Variants in WRN observed in about 807,000 individuals in gnomAD.
WRN encodes bifunctional 3'-5' exonuclease/ATP-dependent helicase WRN.
WRN carries 149 observed loss-of-function variants against 180.7 expected under a neutral mutation model. The observed-to-expected ratio is 0.82, with a 90% CI of 0.72 to 0.94. The LOEUF (loss-of-function observed/expected upper bound fraction) is 0.94. Among genes scored for constraint, WRN ranks in the 40% least tolerant of loss-of-function variants. The pLI is 0.00. For synonymous variants in WRN, 548 were observed against 568.9 expected, an observed-to-expected ratio of 0.96 and a Z score of 0.52; for missense variants, 1,661 against 1,700.1, an observed-to-expected ratio of 0.98 and a Z score of 0.40.
intron 3 of WRN, among the ~76,000 whole-genome samples, chr8:31,061,311 C>T (rs1367694786): frequency 1.3e-5 from 2 of 151,884 alleles, no homozygotes; most frequent in East Asian, 3.9e-4. Flanking sequence ...TTTTGTTTAT[C>T]TCTAGAAGTC....
At chr8:31,078,348 A>G (rs1466577514) in intron 8 of WRN, among the ~76,000 whole-genome samples, 1 of 152,164 alleles carries the variant, frequency 6.6e-6, no homozygotes, top group African/African-American at 2.4e-5. Flanking sequence ...CCAGGAGGGA[A>G]CAAAAAAGAC....
intron 20 of WRN, chr8:31,119,822 A>G (rs566001479): frequency 5.8e-6 from 1 of 172,426 alleles, no homozygotes; most frequent in South Asian, 1.4e-4. Flanking sequence ...TGCAGAGATA[A>G]TGCATTATGT....
chr8:31,066,927 G>C (rs1016545658), intron 5 of WRN, 106 bp from the exon 6 acceptor site: 7 of 1,380,696 alleles, frequency 5.1e-6, no homozygotes, highest in Non-Finnish European at 7.1e-6. Flanking sequence ...GTTGTATTTT[G>C]GTATAACATT....
chr8:31,143,302 A>G (rs1379876967), intron 27 of WRN, among the ~76,000 whole-genome samples: 1 of 152,158 alleles, frequency 6.6e-6, no homozygotes, highest in African/African-American at 2.4e-5. Context: ...CACTTGCTGT[A>G]TCTTAGAACA....
At chr8:31,126,374 A>G (rs911650398) in intron 23 of WRN, among the ~76,000 whole-genome samples, 2 of 152,354 alleles carry the variant, frequency 1.3e-5, no homozygotes, top group East Asian at 3.9e-4. Context: ...TAGAAATTAA[A>G]TAACACACTT....
chr8:31,093,464 A>G (rs1001313184), intron 16 of WRN, among the ~76,000 whole-genome samples: 1 of 152,176 alleles, frequency 6.6e-6, no homozygotes, highest in Non-Finnish European at 1.5e-5. Context: ...CATTGAATAT[A>G]GCACAGTTTG....
In WRN at chr8:31,157,672, G is replaced by A. The variant is rs921356938; in HGVS notation, c.3982+142G>A. Reference sequence around the variant, plus strand: ...TTTGTGATTCTTTTTCTTGTTTTAGGAAAACAATCTTTCTTCCCATTATCA... The same window carrying A: ...TTTGTGATTCTTTTTCTTGTTTTAGAAAAACAATCTTTCTTCCCATTATCA... On this transcript the variant is annotated intron_variant, in intron 33 of 34. Transcript: ENST00000298139. 3.0e-4 allele frequency: 388 copies of A among 1,285,518 alleles called. 1 individual carries two copies. The highest frequency in any genetic ancestry group is 3.9e-4 in the Non-Finnish European group (364 of 924,022). 79.6% of individuals were successfully genotyped at this position (1,285,518 alleles called of 1,614,324 possible). A position where few individuals can be genotyped will look rare whatever the true frequency, so the allele number is the denominator to read the frequency against.
chr8:31,116,764 G>A (rs1801538692), intron 20 of WRN, among the ~76,000 whole-genome samples: 2 of 152,104 alleles, frequency 1.3e-5, no homozygotes, highest in Non-Finnish European at 2.9e-5. Flanking sequence ...TAATGGGGGT[G>A]GTCCATCCAG....
chr8:31,157,789 G>A (rs1803448077), intron 33 of WRN, among the ~76,000 whole-genome samples: 1 of 152,044 alleles, frequency 6.6e-6, no homozygotes, highest in Admixed American at 6.6e-5. Flanking sequence ...GTGCAGTGGC[G>A]TGATCTTGGC....
intron 1 of WRN, among the ~76,000 whole-genome samples, chr8:31,039,795 A>G (rs867656287): frequency 1.2e-4 from 19 of 152,130 alleles, no homozygotes; most frequent in South Asian, 4.1e-4. Flanking sequence ...TTCTGTGTCA[A>G]TTGAAATGAT....
At chr8:31,064,749 A>G (rs1812626430) in intron 4 of WRN, among the ~76,000 whole-genome samples, 166 bp from the exon 5 acceptor site, 2 of 152,232 alleles carry the variant, frequency 1.3e-5, no homozygotes, top group Non-Finnish European at 2.9e-5. Flanking sequence ...TCATTTATCA[A>G]TCAGGACTGT....
intron 1 of WRN, among the ~76,000 whole-genome samples, chr8:31,047,607 A>G (rs1054471415): frequency 1.3e-5 from 2 of 152,158 alleles, no homozygotes; most frequent in Non-Finnish European, 2.9e-5. Context: ...TCTAGGGTGG[A>G]ACGGATGCTA....
intron 1 of WRN, among the ~76,000 whole-genome samples, chr8:31,053,060 G>A (rs940692368): frequency 6.6e-6 from 1 of 152,096 alleles, no homozygotes; most frequent in African/African-American, 2.4e-5. Flanking sequence ...AATCAAAAAG[G>A]CATTCATTTC....
At chr8:31,054,652 A>T (rs1438335829) in intron 1 of WRN, among the ~76,000 whole-genome samples, 1 of 152,286 alleles carries the variant, frequency 6.6e-6, no homozygotes, top group Non-Finnish European at 1.5e-5. Flanking sequence ...AAAGCAAATC[A>T]TAATACGTTA....
At position 31,087,809 on chromosome 8, in the gene WRN, C is replaced by A; in HGVS notation, c.1465C>A (p.Pro489Thr). ...LENLNSGTVE[P>T]THSKCLKMER... ...AAACCTCAATAGTGGCACGGTAGAACCAACTCATTCTAAATGCTTAAAAAT... is the reference window on the plus strand; with the variant it reads ...AAACCTCAATAGTGGCACGGTAGAAACAACTCATTCTAAATGCTTAAAAAT... Residue 489 changes from proline to threonine, a missense_variant, in exon 12 of 35, where the codon CCA becomes ACA. Coordinates refer to ENST00000298139, the MANE Select transcript of WRN (RefSeq NM_000553.6). 1 of 1,613,600 alleles carries A rather than the reference C, an allele frequency of 6.2e-7. No individual in the cohort carries two copies. The highest frequency in any genetic ancestry group is 8.5e-7 in the Non-Finnish European group (1 of 1,179,770).
Position 31,100,981 on chromosome 8 carries a change from C to T in WRN, c.2088+26C>T, listed in dbSNP as rs73670446. On this transcript the variant is annotated intron_variant, in intron 18 of 34. Coordinates refer to ENST00000298139, the MANE Select transcript of WRN (RefSeq NM_000553.6). ...GTAAGCTTTGCCAAGTCTGATGTCC[C>T]GAAATTACATTCTTAATAAGGAGAG... 5.6e-3 allele frequency: 8,816 copies of T among 1,578,716 alleles called. 241 individuals carry two copies. In the African/African-American group the frequency reaches 0.078, roughly 14 times the overall value.
In WRN at chr8:31,078,746, GC is replaced by G. The variant is rs1319573870; in HGVS notation, c.840-2120del. On this transcript the variant is annotated intron_variant, in intron 8 of 34. Transcript: ENST00000298139. Reference sequence around the variant, plus strand: ...TCATGTACTTGACATTCTGCTGGGTGCTAAGGCTGTCTGCAGGCTACTAATA... The same window carrying G: ...TCATGTACTTGACATTCTGCTGGGTGTAAGGCTGTCTGCAGGCTACTAATA... 5.3e-5 allele frequency among the ~76,000 whole-genome samples: 8 copies of G among 152,268 alleles called. No homozygotes were observed. In the East Asian group the frequency reaches 1.5e-3, roughly 29 times the overall value.
chr8:31,165,143 A>G (rs1803802482), intron 33 of WRN, among the ~76,000 whole-genome samples: 1 of 152,102 alleles, frequency 6.6e-6, no homozygotes, highest in Non-Finnish European at 1.5e-5. Flanking sequence ...TCAAAAGAGA[A>G]TAAAATATCT....
rs1311297452 is a variant in WRN, at chr8:31,080,940, A to G, written c.913A>G (p.Ile305Val). 2 of 1,613,836 alleles carry G rather than the reference A, an allele frequency of 1.2e-6. No homozygotes were observed. The highest frequency in any genetic ancestry group is 1.7e-6 in the Non-Finnish European group (2 of 1,179,862). ...GAGGATGATAATTGGGTCTACTAAC[A>G]TTGAGACTGAACTGAGGCCCAGCAA... Reference protein sequence around the residue: ...LRRMIIGSTNIETELRPSNNL... With the variant: ...LRRMIIGSTNVETELRPSNNL... Residue 305 changes from isoleucine (I) to valine (V), a missense_variant, in exon 9 of 35, where the codon ATT becomes GTT. Physicochemically the swap from Ile to Val is conservative, Grantham distance 29. This residue lies in a region of WRN where 500 missense variants were observed against 504.1 expected (regional missense o/e 0.99). Coordinates refer to ENST00000298139, the MANE Select transcript of WRN (RefSeq NM_000553.6).
Sources: allele counts gnomAD v4.1 joint callset (sites outside exome capture counted in the v4.1 genomes callset), GRCh38; gene constraint gnomAD v4.1.1; regional missense constraint gnomAD v4.1.1; transcripts MANE v1.5; gene names NCBI Gene and HGNC (gene_info 2026-07-23, HGNC 2026-07-21).